CTDSP1: variants seen among roughly 807,000 people sequenced by gnomAD.
CTDSP1 encodes the protein CTD small phosphatase 1, also known as carboxy-terminal domain RNA polymerase II polypeptide A small phosphatase 1.
CTDSP1 carries 15 observed loss-of-function variants against 32.5 expected under a neutral mutation model. The observed-to-expected ratio is 0.46, with a 90% CI of 0.31 to 0.71. The LOEUF is 0.71. Ranked by LOEUF, CTDSP1 falls within the 30% of genes least tolerant of loss-of-function variation. CTDSP1 has a pLI of 0.05. For missense variants in CTDSP1, 294 were observed against 351.1 expected (o/e 0.84, Z 1.30); for synonymous variants, 185 against 145.4 (o/e 1.27, Z -1.96).
upstream of CTDSP1, chr2:218,399,610 G>C: frequency 1.8e-6 from 1 of 567,544 alleles, no homozygotes; most frequent in Non-Finnish European, 2.2e-6. Flanking sequence ...GGCCTTGGCC[G>C]AGGGCGCTCG....
At chr2:218,400,646 G>T (rs748644346) in intron 1 of CTDSP1, 1 of 435,604 alleles carries the variant, frequency 2.3e-6, no homozygotes, top group Non-Finnish European at 4.6e-6. Flanking sequence ...CCAACACACA[G>T]CTACGTTCCC....
At position 218,405,632 on chromosome 2, in the gene CTDSP1, A is replaced by AT. The variant is rs1194837813; in HGVS notation, c.*1208dup. On this transcript the variant is annotated 3_prime_UTR_variant, in exon 7 of 7. Coordinates refer to ENST00000273062, the MANE Select transcript of CTDSP1 (RefSeq NM_021198.3). The stretch of plus-strand genomic sequence containing the variant: ...CCCATCTCCTACAGCCCCCTGCCTG[A>AT]TCCCCTGCTGGCTGGGGGCAGCTCC... The AT allele has an allele frequency of 2.0e-5, 3 of 152,774 alleles. No individual in the cohort carries two copies. Among genetic ancestry groups the AT allele is most frequent in the Admixed American group, 1.3e-4 (2 of 15,272 alleles). 9.5% of individuals were successfully genotyped at this position (152,774 alleles called of 1,614,324 possible). A position where few individuals can be genotyped will look rare whatever the true frequency, so the allele number is the denominator to read the frequency against.
upstream of CTDSP1, among the ~76,000 whole-genome samples, chr2:218,397,194 G>A (rs1363737292): frequency 2.0e-5 from 3 of 152,132 alleles, no homozygotes; most frequent in African/African-American, 7.2e-5. Flanking sequence ...ACGGAGACCC[G>A]GCTAAAGGGC....
upstream of CTDSP1, among the ~76,000 whole-genome samples, chr2:218,397,895 C>T (rs898203911): frequency 3.3e-5 from 5 of 152,176 alleles, no homozygotes; most frequent in African/African-American, 2.4e-5. Context: ...GGAGTTAGGT[C>T]TCCCTGGGAA....
At chr2:218,401,325 C>T (rs974193057) in intron 1 of CTDSP1, 116 of 575,654 alleles carry the variant, frequency 2.0e-4, no homozygotes, top group Non-Finnish European at 3.1e-4. Context: ...GCCACGCACT[C>T]CCTATGTGGG....
rs778577210 is a variant in CTDSP1, at chr2:218,405,538, G to A, written c.*1113G>A. 2.0e-5 allele frequency: 3 copies of A among 153,122 alleles called. No individual in the cohort carries two copies. The highest frequency in any genetic ancestry group is 4.4e-5 in the Non-Finnish European group (3 of 68,420). 9.5% of individuals were successfully genotyped at this position (153,122 alleles called of 1,614,324 possible). Reference sequence around the variant, plus strand: ...GGTGCCTTTGGGGGATCTGTAGGAGGTGGGACCTTCTGTGGGGTTTGGGGA... The same window carrying A: ...GGTGCCTTTGGGGGATCTGTAGGAGATGGGACCTTCTGTGGGGTTTGGGGA... On this transcript the variant is annotated 3_prime_UTR_variant, in exon 7 of 7. Transcript: ENST00000273062.
chr2:218,399,591 C>T (rs961966740), upstream of CTDSP1: 5 of 362,904 alleles, frequency 1.4e-5, no homozygotes, highest in African/African-American at 2.2e-5. Context: ...TGGGCGCTCC[C>T]GGCGGGCGGG....
At chr2:218,396,402 G>A (rs1478186576), upstream of CTDSP1, 1 of 152,434 alleles carries the variant, frequency 6.6e-6, no homozygotes, top group Non-Finnish European at 1.5e-5. Context: ...GCCGCAGCGA[G>A]GAGAGGCCAA....
upstream of CTDSP1, chr2:218,398,519 G>A (rs1696937364): frequency 2.2e-6 from 3 of 1,352,306 alleles, no homozygotes; most frequent in East Asian, 3.1e-5. Flanking sequence ...CCTACTCCCA[G>A]CCTCAGCGCA....
upstream of CTDSP1, chr2:218,398,540 G>A (rs1696938545): frequency 1.6e-6 from 2 of 1,239,886 alleles, no homozygotes; most frequent in East Asian, 6.3e-5. Context: ...CGAAGCCGCC[G>A]CGCCTTCTGG....
upstream of CTDSP1, among the ~76,000 whole-genome samples, chr2:218,397,925 G>A (rs1696904496): frequency 6.6e-6 from 1 of 152,232 alleles, no homozygotes; most frequent in African/African-American, 2.4e-5. Flanking sequence ...ACGGGCAACG[G>A]CTTGAAGTGG....
chr2:218,398,535 C>A, upstream of CTDSP1: 1 of 1,280,122 alleles, frequency 7.8e-7, no homozygotes, highest in Non-Finnish European at 1.0e-6. Flanking sequence ...GCGCACGAAG[C>A]CGCCGCGCCT....
In CTDSP1 at chr2:218,403,363, G is replaced by A. The variant is rs1433509168; in HGVS notation, c.603G>A (p.Arg201=). The change falls in exon 6 of 7, where the codon CGG becomes CGA. Residue 201 remains arginine (R), a synonymous_variant. Transcript: ENST00000273062. The part of the protein sequence containing the change: ...DLSRLGRDLR[R]VLILDNSPAS... ...GCCGGTTGGGTCGAGACCTGCGGCG[G>A]GTGCTCATCCTGGACAATTCACCTG... 6.2e-7 allele frequency: 1 copy of A among 1,613,240 alleles called. No individual in the cohort carries two copies. The highest frequency in any genetic ancestry group is 2.2e-5 in the East Asian group (1 of 44,896).
upstream of CTDSP1, among the ~76,000 whole-genome samples, chr2:218,397,764 C>A (rs566247660): frequency 6.6e-6 from 1 of 152,180 alleles, no homozygotes; most frequent in African/African-American, 2.4e-5. Flanking sequence ...CCCCTCCCCC[C>A]ACGCAATCCT....
rs1006766513 is a variant in CTDSP1, at chr2:218,404,504, T to C, written c.*79T>C. The C allele has an allele frequency of 6.4e-7, 1 of 1,564,410 alleles. No individual in the cohort carries two copies. The highest frequency in any genetic ancestry group is 8.7e-7 in the Non-Finnish European group (1 of 1,149,774). On this transcript the variant is annotated 3_prime_UTR_variant, in exon 7 of 7. Transcript: ENST00000273062. ...CCAGGAAGACTGCCCAGGCCTTTGT[T>C]AGGAAAACCCATGGGCCGCCGCCAC...
intron 6 of CTDSP1, chr2:218,403,658 C>T (rs772743331): frequency 7.0e-6 from 3 of 427,770 alleles, no homozygotes; most frequent in South Asian, 6.7e-5. Context: ...CACAGGGCAA[C>T]GGAGTTTGGA....
chr2:218,399,978 G>T lies in CTDSP1; in HGVS notation c.-113G>T, dbSNP rs1249333067. Reference sequence around the variant, plus strand: ...TCCCCTCCCCTCCGGAGCTCGCGGGGATCCCTCCCTCCCACCCCTCCCCTC... The same window carrying T: ...TCCCCTCCCCTCCGGAGCTCGCGGGTATCCCTCCCTCCCACCCCTCCCCTC... On this transcript the variant is annotated 5_prime_UTR_variant, in exon 1 of 7. Transcript: ENST00000273062. 2.2e-5 allele frequency: 25 copies of T among 1,134,496 alleles called. No individual in the cohort carries two copies. In the Admixed American group the frequency reaches 4.8e-4, roughly 22 times the overall value. 70.3% of individuals were successfully genotyped at this position (1,134,496 alleles called of 1,614,324 possible). A position where few individuals can be genotyped will look rare whatever the true frequency, so the allele number is the denominator to read the frequency against.
chr2:218,402,034 C>A, intron 2 of CTDSP1, 77 bp from the exon 3 acceptor site: 1 of 1,024,268 alleles, frequency 9.8e-7, no homozygotes, highest in Non-Finnish European at 1.5e-6. Flanking sequence ...CTGGAGACGG[C>A]TAGGGGGAGA....
chr2:218,396,514 G>A (rs1407228217), upstream of CTDSP1: 2 of 152,460 alleles, frequency 1.3e-5, no homozygotes, highest in East Asian at 3.8e-4. Context: ...TCCGCGCTCA[G>A]GTCCGGACGC....
Sources: allele counts gnomAD v4.1 joint callset (sites outside exome capture counted in the v4.1 genomes callset), GRCh38; gene constraint gnomAD v4.1.1; transcripts MANE v1.5; gene names NCBI Gene and HGNC (gene_info 2026-07-23, HGNC 2026-07-21).